Variants in EPB41 observed in about 807,000 individuals in gnomAD.
EPB41 encodes erythrocyte membrane protein band 4.1, also known as protein 4.1.
EPB41 carries 65 observed loss-of-function variants against 108.0 expected under a neutral mutation model. That is an observed-to-expected ratio of 0.60 (90% confidence interval 0.49 to 0.74). The LOEUF (loss-of-function observed/expected upper bound fraction) is 0.74, where lower values mean the gene tolerates loss of function less well. EPB41 is among the 30% of genes least tolerant of loss of function. The pLI is 0.00. For synonymous variants in EPB41, 336 were observed against 358.9 expected, an observed-to-expected ratio of 0.94 and a Z score of 0.72; for missense variants, 875 against 1,037.0, an observed-to-expected ratio of 0.84 and a Z score of 2.15.
intron 1 of EPB41, among the ~76,000 whole-genome samples, chr1:28,892,548 C>A (rs1256879221): frequency 6.6e-6 from 1 of 151,830 alleles, no homozygotes; most frequent in Non-Finnish European, 1.5e-5. Context: ...ACGATGAAAC[C>A]CCATCTCTAC....
intron 11 of EPB41, among the ~76,000 whole-genome samples, chr1:29,042,564 C>T (rs962209104): frequency 4.6e-5 from 7 of 152,010 alleles, no homozygotes; most frequent in South Asian, 4.2e-4. Flanking sequence ...CTGCAACCTC[C>T]GCCTCCAAGA....
upstream of EPB41, among the ~76,000 whole-genome samples, chr1:28,910,305 C>T (rs1200237177): frequency 6.6e-6 from 1 of 152,172 alleles, no homozygotes; most frequent in Non-Finnish European, 1.5e-5. Flanking sequence ...TTTGATTTAT[C>T]ATTTGTGTTT....
rs552079137 is a variant in EPB41, at chr1:29,119,439, G to C, written c.*2627G>C. 1 of 152,682 alleles carries C rather than the reference G, an allele frequency of 6.5e-6. No homozygotes were observed. The allele number at this position is 152,682 out of a possible 1,614,324, so 9.5% of individuals were successfully genotyped here. A position where few individuals can be genotyped will look rare whatever the true frequency, so the allele number is the denominator to read the frequency against. ...ACACACCACAGTAACAACTCTCGCT[G>C]CAATTTTATTTTAATTTGAGAAATA... On this transcript the variant is annotated 3_prime_UTR_variant, in exon 21 of 21. Transcript: ENST00000343067.
chr1:28,891,965 C>T (rs938932521), intron 1 of EPB41, among the ~76,000 whole-genome samples: 3 of 151,830 alleles, frequency 2.0e-5, no homozygotes, highest in African/African-American at 4.8e-5. Context: ...TGGTGGCAGG[C>T]GTCTATAATC....
chr1:29,068,808 C>G (rs1164936092), intron 16 of EPB41: 2 of 1,231,592 alleles, frequency 1.6e-6, no homozygotes, highest in South Asian at 8.2e-5. Context: ...ATGACTTGTG[C>G]TTCTCAATCA....
At chr1:28,991,367 C>A (rs934633210) in intron 2 of EPB41, among the ~76,000 whole-genome samples, 1 of 151,688 alleles carries the variant, frequency 6.6e-6, no homozygotes, top group Non-Finnish European at 1.5e-5. Flanking sequence ...GCTGGATATA[C>A]CTTGGTAAAT....
At chr1:28,998,177 G>T (rs146117690) in intron 4 of EPB41, among the ~76,000 whole-genome samples, 1 of 152,172 alleles carries the variant, frequency 6.6e-6, no homozygotes, top group East Asian at 1.9e-4. Flanking sequence ...GGCCCGGGAA[G>T]TCTCCTCTGG....
intron 18 of EPB41, among the ~76,000 whole-genome samples, chr1:29,111,925 C>T (rs1189072751): frequency 1.1e-4 from 17 of 149,666 alleles, no homozygotes; most frequent in Non-Finnish European, 1.2e-4. Context: ...TGCAGTGAGC[C>T]GAGATCACAC....
At chr1:29,040,053 A>G (rs757143660) in intron 11 of EPB41, among the ~76,000 whole-genome samples, 4 of 152,146 alleles carry the variant, frequency 2.6e-5, no homozygotes, top group Non-Finnish European at 4.4e-5. Context: ...GCCTCTTAGC[A>G]TTTAAAAATA....
Position 28,936,698 on chromosome 1 carries a change from T to A in EPB41, c.-8+21930T>A, listed in dbSNP as rs535996686. Among the ~76,000 whole-genome samples, 33 of 152,350 alleles carry A rather than the reference T, an allele frequency of 2.2e-4. 1 individual carries two copies. The highest frequency in any genetic ancestry group is 2.0e-3 in the Admixed American group (30 of 15,302). On this transcript the variant is annotated intron_variant, in intron 1 of 20. Coordinates refer to ENST00000343067, the MANE Select transcript of EPB41 (RefSeq NM_001376013.1). ...TCACTTAGCATGTTTCCAAGGTTCA[T>A]CCATGTGGTAGCATGTATCAGTACT...
In EPB41 at chr1:29,085,141, CT is replaced by C. The variant is rs527593950; in HGVS notation, c.2185-12646del. Among the ~76,000 whole-genome samples, 809 of 117,318 alleles carry C rather than the reference CT, an allele frequency of 6.9e-3. 2 individuals are homozygous for C. Among genetic ancestry groups the C allele is most frequent in the African/African-American group, 0.02 (631 of 31,660 alleles). The allele number at this position is 117,318 out of a possible 152,430, so 77.0% of individuals were successfully genotyped here. A position where few individuals can be genotyped will look rare whatever the true frequency, so the allele number is the denominator to read the frequency against. ...TCAGTTTTGGAAATACTTTGATCTT[CT>C]TTTTTTTTTTTTTTTTTTTGAGTTG... On this transcript the variant is annotated intron_variant, in intron 16 of 20. Transcript: ENST00000343067.
intron 9 of EPB41, among the ~76,000 whole-genome samples, chr1:29,033,918 ATT>A (rs1638394888): frequency 6.6e-6 from 1 of 152,218 alleles, no homozygotes. Context: ...CTTCCTTGTC[ATT>A]TGGGCAGGAT....
chr1:28,929,783 C>A (rs894614417), intron 1 of EPB41, among the ~76,000 whole-genome samples: 2 of 151,258 alleles, frequency 1.3e-5, no homozygotes, highest in Non-Finnish European at 2.9e-5. Context: ...ATCTGCCCGC[C>A]TTGGCCTCCC....
chr1:29,022,547 C>G (rs1379326806), intron 7 of EPB41, among the ~76,000 whole-genome samples: 2 of 151,910 alleles, frequency 1.3e-5, no homozygotes, highest in African/African-American at 4.8e-5. Flanking sequence ...ATGGTGAAAC[C>G]CTGTCTCTAC....
At chr1:28,915,407 C>T (rs1313255102) in intron 1 of EPB41, among the ~76,000 whole-genome samples, 2 of 152,270 alleles carry the variant, frequency 1.3e-5, no homozygotes, top group East Asian at 3.9e-4. Flanking sequence ...TTCCTCCGTG[C>T]TCGCTGGGCT....
chr1:28,907,903 C>T (rs1266213843), intron 1 of EPB41, among the ~76,000 whole-genome samples: 1 of 151,978 alleles, frequency 6.6e-6, no homozygotes, highest in Non-Finnish European at 1.5e-5. Context: ...CTCCTGGCCT[C>T]AAGCAGTCCT....
intron 1 of EPB41, among the ~76,000 whole-genome samples, chr1:28,936,118 A>G (rs1465608568): frequency 1.3e-5 from 2 of 151,982 alleles, no homozygotes; most frequent in East Asian, 3.9e-4. Context: ...CACTTTCTTC[A>G]TTCTTATCTT....
intron 1 of EPB41, among the ~76,000 whole-genome samples, chr1:28,901,244 G>T (rs2091285177): frequency 8.8e-6 from 1 of 114,218 alleles, no homozygotes; most frequent in African/African-American, 3.0e-5. Context: ...TTTACTTTTT[G>T]AGACAGAGTC....
In EPB41 at chr1:28,936,125, T is replaced by C. The variant is rs144015578; in HGVS notation, c.-8+21357T>C. On this transcript the variant is annotated intron_variant, in intron 1 of 20. Coordinates refer to ENST00000343067, the MANE Select transcript of EPB41 (RefSeq NM_001376013.1). ...CTAATTCCCACTTTCTTCATTCTTATCTTAGGGTGCTCTAGCTTTTTGCAT... is the reference window on the plus strand; with the variant it reads ...CTAATTCCCACTTTCTTCATTCTTACCTTAGGGTGCTCTAGCTTTTTGCAT... Among the ~76,000 whole-genome samples, 439 of 152,294 alleles carry C rather than the reference T, an allele frequency of 2.9e-3. 3 individuals carry two copies. Among genetic ancestry groups the C allele is most frequent in the African/African-American group, 0.01 (423 of 41,550 alleles).
Sources: gnomAD v4.1 joint callset for allele counts (sites outside exome capture counted in the v4.1 genomes callset) on GRCh38, gnomAD v4.1.1 for gene constraint, MANE v1.5 for transcripts, NCBI Gene and HGNC (gene_info 2026-07-23, HGNC 2026-07-21) for gene names.